The following XPR1 variants were observed in gnomAD, a reference collection of about 807,000 sequenced individuals.
XPR1 encodes the protein xenotropic and polytropic retrovirus receptor 1, also known as solute carrier family 53 member 1.
Under a neutral mutation model 87.5 loss-of-function variants are expected in XPR1, and 28 were observed. The observed-to-expected ratio is 0.32, with a 90% CI of 0.24 to 0.44. The LOEUF is 0.44. Among genes scored for constraint, XPR1 ranks in the 20% least tolerant of loss-of-function variants. XPR1 has a pLI of 1.00. For synonymous variants in XPR1, 300 were observed against 306.1 expected (o/e 0.98, Z 0.21); for missense variants, 559 against 862.3 (o/e 0.65, Z 4.41).
intron 2 of XPR1, among the ~76,000 whole-genome samples, chr1:180,708,062 G>A (rs184672392): frequency 1.3e-5 from 2 of 152,058 alleles, no homozygotes; most frequent in Admixed American, 6.6e-5. Context: ...CACAATATTC[G>A]GCCAATATGA....
Position 180,638,452 on chromosome 1 carries a change from C to T in XPR1, c.69+6182C>T, listed in dbSNP as rs190502028. 3.9e-5 allele frequency among the ~76,000 whole-genome samples: 6 copies of T among 152,214 alleles called. No individual in the cohort carries two copies. In the East Asian group the frequency reaches 9.6e-4, roughly 24 times the overall value. On this transcript the variant is annotated intron_variant, in intron 1 of 14. Coordinates refer to ENST00000367590, the MANE Select transcript of XPR1 (RefSeq NM_004736.4). ...CCTTTGGGAATGAGAGAGTGTCAGA[C>T]TTCACCAGGGTTCTTGCCCAGTGTA...
intron 2 of XPR1, among the ~76,000 whole-genome samples, chr1:180,756,186 A>G (rs1647731966): frequency 6.6e-6 from 1 of 152,214 alleles, no homozygotes; most frequent in African/African-American, 2.4e-5. Context: ...AGGAATCATC[A>G]GACAAACCTG....
intron 11 of XPR1, among the ~76,000 whole-genome samples, chr1:180,849,693 A>G (rs1443612008): frequency 6.6e-6 from 1 of 152,236 alleles, no homozygotes; most frequent in Non-Finnish European, 1.5e-5. Flanking sequence ...TACATAGGCA[A>G]TAAAGCATAC....
chr1:180,819,391 C>T (rs770250202), intron 7 of XPR1, among the ~76,000 whole-genome samples: 21 of 152,224 alleles, frequency 1.4e-4, no homozygotes, highest in South Asian at 2.1e-4. Flanking sequence ...TTTTGGTTTT[C>T]GCTGACTTTT....
intron 2 of XPR1, among the ~76,000 whole-genome samples, chr1:180,721,808 T>C (rs774287784): frequency 1.3e-5 from 2 of 152,212 alleles, no homozygotes; most frequent in Admixed American, 6.5e-5. Context: ...ATAGTAAATA[T>C]ATTTTTCTTA....
At chr1:180,697,029 T>C (rs1657196911) in intron 2 of XPR1, among the ~76,000 whole-genome samples, 1 of 152,100 alleles carries the variant, frequency 6.6e-6, no homozygotes, top group African/African-American at 2.4e-5. Context: ...TCCTCTCCAG[T>C]TTTTTGGAAT....
intron 9 of XPR1, among the ~76,000 whole-genome samples, chr1:180,827,385 C>T (rs1269005184): frequency 1.3e-5 from 2 of 152,100 alleles, no homozygotes; most frequent in Non-Finnish European, 2.9e-5. Flanking sequence ...TAGTTGTGTA[C>T]ATTGTGTGCT....
At chr1:180,699,370 C>A (rs1188314205) in intron 2 of XPR1, among the ~76,000 whole-genome samples, 1 of 107,638 alleles carries the variant, frequency 9.3e-6, no homozygotes, top group African/African-American at 3.6e-5. Flanking sequence ...CCCCCTCCCC[C>A]GACCCCACCA....
At chr1:180,873,346 A>G (rs1195650010) in intron 12 of XPR1, among the ~76,000 whole-genome samples, 2 of 152,242 alleles carry the variant, frequency 1.3e-5, no homozygotes, top group African/African-American at 4.8e-5. Context: ...AAGCAAGGCA[A>G]AACTTTCTTC....
intron 2 of XPR1, among the ~76,000 whole-genome samples, chr1:180,719,817 T>A (rs574737957): frequency 1.1e-4 from 17 of 152,318 alleles, no homozygotes; most frequent in African/African-American, 3.8e-4. Context: ...CTACCTTACA[T>A]AAACTGTTCA....
At chr1:180,706,673 A>G (rs1027377897) in intron 2 of XPR1, among the ~76,000 whole-genome samples, 9 of 151,712 alleles carry the variant, frequency 5.9e-5, no homozygotes, top group Non-Finnish European at 1.2e-4. Context: ...GTGCAGTGGC[A>G]TGATCTCTGC....
intron 12 of XPR1, among the ~76,000 whole-genome samples, chr1:180,872,794 G>A (rs943858480): frequency 6.6e-6 from 1 of 151,594 alleles, no homozygotes; most frequent in South Asian, 2.1e-4. Flanking sequence ...GCTCACGCTG[G>A]GAGCTGTAGA....
In XPR1 at chr1:180,787,741, C is replaced by G; in HGVS notation, c.122-12C>G. 6.5e-7 allele frequency: 1 copy of G among 1,549,482 alleles called. No individual in the cohort carries two copies. The highest frequency in any genetic ancestry group is 8.7e-7 in the Non-Finnish European group (1 of 1,144,094). ...GGACATTAAATTTAAATATTGTTTT[C>G]CTGTCTTTCAGTTACAGATGAGGAC... is the stretch of plus-strand genomic sequence containing the variant. On this transcript the variant is annotated splice_polypyrimidine_tract_variant and intron_variant, in intron 2 of 14. Coordinates refer to ENST00000367590, the MANE Select transcript of XPR1 (RefSeq NM_004736.4).
intron 14 of XPR1, 126 bp downstream of exon 14, chr1:180,880,423 C>CA (rs1292716962): frequency 1.6e-5 from 16 of 997,950 alleles, no homozygotes; most frequent in East Asian, 2.6e-5. Flanking sequence ...TTTTCACCTA[C>CA]AAAAAAACAG....
intron 6 of XPR1, among the ~76,000 whole-genome samples, chr1:180,810,811 A>G (rs1294157239): frequency 3.3e-5 from 5 of 150,284 alleles, no homozygotes; most frequent in Middle Eastern, 3.2e-3. Flanking sequence ...ATATATGTGT[A>G]TATATATGTA....
chr1:180,816,393 C>T (rs961031503), intron 7 of XPR1, among the ~76,000 whole-genome samples: 3 of 152,184 alleles, frequency 2.0e-5, no homozygotes, highest in African/African-American at 7.2e-5. Flanking sequence ...TCACCTCCTG[C>T]TGTGTGGCCT....
At chr1:180,783,706 A>T (rs373439264) in intron 2 of XPR1, among the ~76,000 whole-genome samples, 1 of 152,056 alleles carries the variant, frequency 6.6e-6, no homozygotes, top group African/African-American at 2.4e-5. Flanking sequence ...ATAATATCAT[A>T]ATGTACTTAA....
intron 1 of XPR1, among the ~76,000 whole-genome samples, chr1:180,670,071 C>G (rs1236936344): frequency 1.3e-5 from 2 of 151,992 alleles, no homozygotes; most frequent in Non-Finnish European, 2.9e-5. Flanking sequence ...TTTGTTGTTA[C>G]TATTTGTACA....
chr1:180,786,130 C>T (rs1205397576), intron 2 of XPR1, among the ~76,000 whole-genome samples: 2 of 151,918 alleles, frequency 1.3e-5, no homozygotes, highest in Non-Finnish European at 1.5e-5. Context: ...CTGATCAGGT[C>T]TAAAGCACAT....
Sources: allele counts gnomAD v4.1 joint callset (sites outside exome capture counted in the v4.1 genomes callset), GRCh38; gene constraint gnomAD v4.1.1; transcripts MANE v1.5; gene names NCBI Gene and HGNC (gene_info 2026-07-23, HGNC 2026-07-21).